The following KCNJ3 variants were observed in gnomAD, a reference collection of about 807,000 sequenced individuals.
KCNJ3 encodes the protein G protein-activated inward rectifier potassium channel 1.
A neutral mutation model predicts 39.2 loss-of-function variants in KCNJ3; 4 were observed. The observed-to-expected ratio is 0.10, with a 90% CI of 0.05 to 0.23. The LOEUF (loss-of-function observed/expected upper bound fraction) is 0.23. KCNJ3 is among the 10% of genes least tolerant of loss of function. The pLI is 1.00. For missense variants in KCNJ3, 276 were observed against 634.9 expected (o/e 0.43, Z 6.08); for synonymous variants, 230 against 237.4 (o/e 0.97, Z 0.29).
At chr2:154,749,495 G>A (rs1685801715) in intron 2 of KCNJ3, among the ~76,000 whole-genome samples, 1 of 152,018 alleles carries the variant, frequency 6.6e-6, no homozygotes, top group Non-Finnish European at 1.5e-5. Flanking sequence ...GCATGTGATT[G>A]TGATAATTTT....
chr2:154,729,290 A>G (rs184140043), intron 2 of KCNJ3, among the ~76,000 whole-genome samples: 1 of 152,314 alleles, frequency 6.6e-6, no homozygotes, highest in African/African-American at 2.4e-5. Context: ...TCCAAAATTT[A>G]TATGTTTTGC....
chr2:154,843,296 TGA>T (rs555755121), intron 2 of KCNJ3, among the ~76,000 whole-genome samples: 179 of 152,332 alleles, frequency 1.2e-3, no homozygotes, highest in African/African-American at 4.2e-3. Context: ...TGGTTTTTGC[TGA>T]GAGATCCGTT....
intron 2 of KCNJ3, among the ~76,000 whole-genome samples, chr2:154,826,333 A>G (rs1410914611): frequency 6.6e-6 from 1 of 152,222 alleles, no homozygotes; most frequent in Non-Finnish European, 1.5e-5. Context: ...ACAGCTTTTC[A>G]TTCTGAAATG....
Position 154,742,104 on chromosome 2 carries a change from C to A in KCNJ3, c.919+32285C>A, listed in dbSNP as rs1226013435. ...TTCTATCCCTATTATTTTAACTACT[C>A]TAAGTACCTCATCTAAGTGGAATCA... On this transcript the variant is annotated intron_variant, in intron 2 of 2. Coordinates refer to ENST00000295101, the MANE Select transcript of KCNJ3 (RefSeq NM_002239.4). Among the ~76,000 whole-genome samples the A allele has an allele frequency of 2.6e-5, 4 of 151,812 alleles. No homozygotes were observed. The South Asian group carries it at 8.3e-4, about 31-fold the overall frequency.
At chr2:154,827,837 T>A (rs529918932) in intron 2 of KCNJ3, among the ~76,000 whole-genome samples, 2 of 152,334 alleles carry the variant, frequency 1.3e-5, no homozygotes, top group East Asian at 3.9e-4. Flanking sequence ...CACGTCTTAG[T>A]CATAGAGTAC....
chr2:154,845,474 A>G (rs1423961857), intron 2 of KCNJ3, among the ~76,000 whole-genome samples: 2 of 152,158 alleles, frequency 1.3e-5, no homozygotes, highest in Admixed American at 6.6e-5. Flanking sequence ...CAATAGTTTT[A>G]TATTATATTG....
intron 2 of KCNJ3, among the ~76,000 whole-genome samples, chr2:154,845,971 G>GA (rs34720142): frequency 0.52 from 75,632 of 144,984 alleles, 20,050 homozygotes; most frequent in Non-Finnish European, 0.58. Flanking sequence ...CTCTGTCTCA[G>GA]AAAAAAAAAA....
intron 2 of KCNJ3, among the ~76,000 whole-genome samples, chr2:154,771,361 TA>T (rs1558869974): frequency 6.6e-6 from 1 of 152,180 alleles, no homozygotes; most frequent in Non-Finnish European, 1.5e-5. Context: ...ATCACTTACA[TA>T]AGCTAAATTG....
At chr2:154,800,503 C>A (rs1686800595) in intron 2 of KCNJ3, among the ~76,000 whole-genome samples, 3 of 152,102 alleles carry the variant, frequency 2.0e-5, no homozygotes, top group Non-Finnish European at 4.4e-5. Flanking sequence ...CAGTGACTTT[C>A]TTTATTTTCA....
chr2:154,714,246 C>T (rs1400351860), intron 2 of KCNJ3, among the ~76,000 whole-genome samples: 1 of 152,052 alleles, frequency 6.6e-6, no homozygotes, highest in African/African-American at 2.4e-5. Context: ...CAGTTCTTTC[C>T]TACTGGAAAA....
intron 2 of KCNJ3, among the ~76,000 whole-genome samples, chr2:154,818,678 A>G (rs1449737116): frequency 6.6e-6 from 1 of 152,194 alleles, no homozygotes; most frequent in Admixed American, 6.5e-5. Context: ...CTGCCATTCT[A>G]TACTTATTTT....
chr2:154,823,452 A>C (rs1687217147), intron 2 of KCNJ3, among the ~76,000 whole-genome samples: 1 of 151,812 alleles, frequency 6.6e-6, no homozygotes, highest in African/African-American at 2.4e-5. Flanking sequence ...GTCCAGCAAT[A>C]ATCACGGTTT....
At chr2:154,826,975 G>A (rs887652404) in intron 2 of KCNJ3, among the ~76,000 whole-genome samples, 4 of 152,102 alleles carry the variant, frequency 2.6e-5, no homozygotes, top group East Asian at 1.9e-4. Flanking sequence ...GGACCTCTAG[G>A]CATCTTAGAC....
At chr2:154,799,195 G>C (rs1044628531) in intron 2 of KCNJ3, among the ~76,000 whole-genome samples, 1 of 152,082 alleles carries the variant, frequency 6.6e-6, no homozygotes, top group Non-Finnish European at 1.5e-5. Context: ...GCAGTGGCAC[G>C]ATCTTGGCTT....
At position 154,855,177 on chromosome 2, in the gene KCNJ3, A is replaced by G. The variant is rs1381455075; in HGVS notation, c.1370A>G (p.Lys457Arg). 2.5e-6 allele frequency: 4 copies of G among 1,613,980 alleles called. No individual in the cohort carries two copies. The highest frequency in any genetic ancestry group is 3.4e-6 in the Non-Finnish European group (4 of 1,179,962). ...GAAAAACTGGTATCTAAAACCACCA[A>G]GATGTTATCTGATCCCATGAGCCAG... ...SEEKLVSKTT[K>R]MLSDPMSQSV... The change falls in exon 3 of 3, where the codon AAG becomes AGG. Residue 457 changes from lysine (K) to arginine (R), a missense_variant. By Grantham distance (26) the Lys-to-Arg change is conservative. Coordinates refer to ENST00000295101, the MANE Select transcript of KCNJ3 (RefSeq NM_002239.4).
chr2:154,710,129 T>C (rs1483707238), intron 2 of KCNJ3, among the ~76,000 whole-genome samples: 1 of 152,144 alleles, frequency 6.6e-6, no homozygotes, highest in African/African-American at 2.4e-5. Flanking sequence ...TCATGATTTT[T>C]CTTTAAAGAT....
chr2:154,752,739 A>G (rs1201949553), intron 2 of KCNJ3, among the ~76,000 whole-genome samples: 2 of 152,048 alleles, frequency 1.3e-5, no homozygotes, highest in African/African-American at 2.4e-5. Flanking sequence ...AATTGGGGAC[A>G]ATAATTGTGC....
chr2:154,832,839 T>C (rs1015134904), intron 2 of KCNJ3, among the ~76,000 whole-genome samples: 2 of 152,222 alleles, frequency 1.3e-5, no homozygotes, highest in African/African-American at 4.8e-5. Flanking sequence ...TACGTATTTC[T>C]TGCCTTCATT....
intron 2 of KCNJ3, among the ~76,000 whole-genome samples, chr2:154,742,634 G>A (rs1269991561): frequency 2.0e-5 from 3 of 151,752 alleles, no homozygotes. Flanking sequence ...CTGATACTGA[G>A]CATCGTTTCA....
Sources: allele counts gnomAD v4.1 joint callset (sites outside exome capture counted in the v4.1 genomes callset), GRCh38; gene constraint gnomAD v4.1.1; transcripts MANE v1.5; gene names NCBI Gene and HGNC (gene_info 2026-07-23, HGNC 2026-07-21).